Variants in RAP1B observed in about 807,000 individuals in gnomAD.
RAP1B encodes ras-related protein Rap-1b.
In RAP1B, 1 loss-of-function variant was observed where a neutral mutation model predicts 27.5. That is an observed-to-expected ratio of 0.04 (90% confidence interval 0.01 to 0.17). RAP1B has a LOEUF of 0.17. Ranked by LOEUF, RAP1B falls within the 10% of genes least tolerant of loss-of-function variation. RAP1B has a pLI of 1.00. For synonymous variants in RAP1B, 75 were observed against 73.1 expected, an observed-to-expected ratio of 1.03 and a Z score of -0.13; for missense variants, 84 against 214.8, an observed-to-expected ratio of 0.39 and a Z score of 3.81.
At chr12:68,653,852 G>T (rs1873999126) in intron 4 of RAP1B, among the ~76,000 whole-genome samples, 1 of 151,672 alleles carries the variant, frequency 6.6e-6, no homozygotes. Flanking sequence ...AATCACTTGA[G>T]CCCGGGAGGC....
intron 1 of RAP1B, among the ~76,000 whole-genome samples, chr12:68,629,405 T>C (rs1198776448): frequency 6.6e-6 from 1 of 152,192 alleles, no homozygotes. Flanking sequence ...AGATTAGAAA[T>C]ATATTTATTG....
intron 1 of RAP1B, among the ~76,000 whole-genome samples, chr12:68,647,204 C>T (rs535870613): frequency 2.6e-4 from 39 of 152,198 alleles, no homozygotes; most frequent in Non-Finnish European, 5.7e-4. Flanking sequence ...AGGCGTGTAC[C>T]ACCACACCCA....
At chr12:68,635,883 G>C (rs1488255161) in intron 1 of RAP1B, among the ~76,000 whole-genome samples, 1 of 112,840 alleles carries the variant, frequency 8.9e-6, no homozygotes, top group Non-Finnish European at 1.7e-5. Context: ...TTATACCCAT[G>C]AAATTTTTTT....
In RAP1B at chr12:68,618,680, C is replaced by G. The variant is rs1199123392; in HGVS notation, c.-27+7637C>G. 2.6e-5 allele frequency among the ~76,000 whole-genome samples: 4 copies of G among 152,134 alleles called. No individual in the cohort carries two copies. In the East Asian group the frequency reaches 7.7e-4, roughly 29 times the overall value. ...AAAACTTCTGGCGCTTTAGAATAAA[C>G]CAGGTTAGAGTACTTCACTGTCCTA... On this transcript the variant is annotated intron_variant, in intron 1 of 7. Transcript: ENST00000250559.
rs1874519346 is a variant in RAP1B, at chr12:68,660,127, T to TC, written c.*878_*879insC. 1 of 117,344 alleles carries TC rather than the reference T, an allele frequency of 8.5e-6. No individual in the cohort carries two copies. Among genetic ancestry groups the TC allele is most frequent in the Admixed American group, 1.0e-4 (1 of 9,960 alleles). The allele number at this position is 117,344 out of a possible 1,614,324, so 7.3% of individuals were successfully genotyped here. On this transcript the variant is annotated 3_prime_UTR_variant, in exon 8 of 8. Coordinates refer to ENST00000250559, the MANE Select transcript of RAP1B (RefSeq NM_001010942.3). ...TGCTCATGCATAAGTGTATTTGCAA[T>TC]ACCAAATATACAGGTTTAGTATTTT...
intron 3 of RAP1B, 112 bp from the exon 4 acceptor site, chr12:68,651,883 A>G (rs529216035): frequency 2.6e-6 from 2 of 755,274 alleles, no homozygotes; most frequent in Non-Finnish European, 2.2e-6. Context: ...ATTAGTTTGT[A>G]AAGTTGTTAA....
intron 6 of RAP1B, chr12:68,656,733 TTATA>T: frequency 1.9e-6 from 1 of 532,982 alleles, no homozygotes; most frequent in Middle Eastern, 4.8e-4. Flanking sequence ...ATGAAGGATG[TTATA>T]TGAAAAATAG....
At chr12:68,642,026 C>A (rs1873045026) in intron 1 of RAP1B, among the ~76,000 whole-genome samples, 1 of 152,140 alleles carries the variant, frequency 6.6e-6, no homozygotes, top group South Asian at 2.1e-4. Context: ...ACATTAAGTT[C>A]ATTTCGCATA....
chr12:68,611,473 C>T lies in RAP1B; in HGVS notation c.-27+430C>T, dbSNP rs557218988. Among the ~76,000 whole-genome samples the T allele has an allele frequency of 3.0e-4, 46 of 151,854 alleles. 1 individual carries two copies. Among genetic ancestry groups the T allele is most frequent in the African/African-American group, 1.1e-3 (45 of 41,452 alleles). ...GCCCCCTCGCTTGTCGCCTGGGTTC[C>T]CTCCGTGGTATGGGTGGAAGTTAGA... On this transcript the variant is annotated intron_variant, in intron 1 of 7. Transcript: ENST00000250559.
intron 1 of RAP1B, among the ~76,000 whole-genome samples, chr12:68,625,229 TGTG>T (rs1871667967): frequency 6.6e-6 from 1 of 152,226 alleles, no homozygotes; most frequent in Non-Finnish European, 1.5e-5. Flanking sequence ...TTCAGTGAAG[TGTG>T]GTGTGCCTTT....
chr12:68,627,298 A>G (rs1871869412), intron 1 of RAP1B: 1 of 830,132 alleles, frequency 1.2e-6, no homozygotes, highest in East Asian at 2.4e-5. Flanking sequence ...TACACTACCA[A>G]GGAAGCTGCT....
At position 68,669,915 on chromosome 12, in the gene RAP1B, A is replaced by G. The variant is rs1383636931; in HGVS notation, c.*10666A>G. The G allele has an allele frequency of 6.6e-6, 1 of 151,702 alleles. No homozygotes were observed. Among genetic ancestry groups the G allele is most frequent in the East Asian group, 1.9e-4 (1 of 5,238 alleles). 9.4% of individuals were successfully genotyped at this position (151,702 alleles called of 1,614,324 possible). On this transcript the variant is annotated 3_prime_UTR_variant, in exon 8 of 8. Transcript: ENST00000250559. The stretch of plus-strand genomic sequence containing the variant: ...AGTATATGACGTTTATACGTGACAA[A>G]AATATATTTCTTTTTCTTTCTTTTT...
chr12:68,614,862 C>T (rs148262624), intron 1 of RAP1B, among the ~76,000 whole-genome samples: 103 of 152,240 alleles, frequency 6.8e-4, no homozygotes, highest in African/African-American at 2.4e-3. Flanking sequence ...CATTTGAGGT[C>T]TTAAGTTCTT....
In RAP1B at chr12:68,661,050, AC is replaced by A. The variant is rs992466256; in HGVS notation, c.*1802del. The A allele has an allele frequency of 1.3e-5, 2 of 152,084 alleles. No individual in the cohort carries two copies. The highest frequency in any genetic ancestry group is 4.8e-5 in the African/African-American group (2 of 41,356). The allele number at this position is 152,084 out of a possible 1,614,324, so 9.4% of individuals were successfully genotyped here. On this transcript the variant is annotated 3_prime_UTR_variant, in exon 8 of 8. Transcript: ENST00000250559. ...TTAAAAATTGTAAAGCTCTTAAAAA[AC>A]TTTTTGAAAGTATTTGCCAGCTACT...
Position 68,668,907 on chromosome 12 carries a change from A to G in RAP1B, c.*9658A>G, listed in dbSNP as rs1241086302. ...GTGCCACCATTGCTCTAAGCACTTTACATGTGTTGTTCAACCCTCAGCAAT... is the reference window on the plus strand; with the variant it reads ...GTGCCACCATTGCTCTAAGCACTTTGCATGTGTTGTTCAACCCTCAGCAAT... On this transcript the variant is annotated 3_prime_UTR_variant, in exon 8 of 8. Coordinates refer to ENST00000250559, the MANE Select transcript of RAP1B (RefSeq NM_001010942.3). The G allele has an allele frequency of 6.6e-6, 1 of 152,226 alleles. No individual in the cohort carries two copies. The highest frequency in any genetic ancestry group is 1.5e-5 in the Non-Finnish European group (1 of 68,042). 9.4% of individuals were successfully genotyped at this position (152,226 alleles called of 1,614,324 possible). A position where few individuals can be genotyped will look rare whatever the true frequency, so the allele number is the denominator to read the frequency against.
intron 1 of RAP1B, chr12:68,642,391 A>G (rs2135949758): frequency 2.0e-6 from 1 of 488,682 alleles, no homozygotes; most frequent in East Asian, 3.8e-5. Context: ...TGAGTTAGCA[A>G]TGAGAGATAT....
intron 1 of RAP1B, among the ~76,000 whole-genome samples, chr12:68,643,336 TC>T (rs1393448122): frequency 6.6e-6 from 1 of 152,198 alleles, no homozygotes; most frequent in Non-Finnish European, 1.5e-5. Flanking sequence ...CTAACTTAAG[TC>T]CTTTGCTACC....
intron 2 of RAP1B, 89 bp from the exon 3 acceptor site, chr12:68,650,311 T>A: frequency 3.4e-6 from 4 of 1,167,116 alleles, no homozygotes; most frequent in Admixed American, 3.7e-5. Flanking sequence ...ATGGTGTAAC[T>A]CCCTGTGTGA....
intron 1 of RAP1B, among the ~76,000 whole-genome samples, chr12:68,638,478 G>T (rs1872774195): frequency 6.6e-6 from 1 of 152,134 alleles, no homozygotes; most frequent in Non-Finnish European, 1.5e-5. Flanking sequence ...TACTTTAGGA[G>T]TAAGGATGTT....
Sources: gnomAD v4.1 joint callset for allele counts (sites outside exome capture counted in the v4.1 genomes callset) on GRCh38, gnomAD v4.1.1 for gene constraint, MANE v1.5 for transcripts, NCBI Gene and HGNC (gene_info 2026-07-23, HGNC 2026-07-21) for gene names.